SLC12A8: variants seen among roughly 807,000 people sequenced by gnomAD.
SLC12A8 encodes the protein cation-chloride cotransporter 9.
SLC12A8 carries 69 observed loss-of-function variants against 75.6 expected under a neutral mutation model. That is an observed-to-expected ratio of 0.91 (90% CI 0.75 to 1.11). SLC12A8 has a LOEUF of 1.11. SLC12A8 is among the 50% of genes most tolerant of loss of function. The probability of loss-of-function intolerance (pLI) is 0.00; values close to 1 mark genes in which losing one functional copy is unlikely to be tolerated. For synonymous variants in SLC12A8, 365 were observed against 372.8 expected (o/e 0.98, Z 0.24); for missense variants, 877 against 896.7 (o/e 0.98, Z 0.28).
intron 2 of SLC12A8, 136 bp from the exon 3 acceptor site, chr3:125,190,657 G>T: frequency 1.0e-6 from 1 of 965,200 alleles, no homozygotes; most frequent in Non-Finnish European, 1.6e-6. Flanking sequence ...GGGCAAGTGT[G>T]TGTGTATACA....
chr3:125,185,255 G>A (rs1326225153), intron 4 of SLC12A8, among the ~76,000 whole-genome samples: 2 of 152,030 alleles, frequency 1.3e-5, no homozygotes, highest in African/African-American at 4.8e-5. Flanking sequence ...AGGAGGTGGA[G>A]ATTGTGGTGA....
chr3:125,138,845 A>AACACACACACACAC (rs3061221), intron 5 of SLC12A8, among the ~76,000 whole-genome samples: 12 of 137,840 alleles, frequency 8.7e-5, no homozygotes, highest in African/African-American at 3.1e-4. Context: ...CCTTCTACAA[A>AACACACACACACAC]ACACACACAC....
At position 125,084,021 on chromosome 3, in the gene SLC12A8, A is replaced by G. The variant is rs767132548; in HGVS notation, c.2014T>C (p.Leu672=). 3.1e-6 allele frequency: 5 copies of G among 1,613,050 alleles called. No individual in the cohort carries two copies. The highest frequency in any genetic ancestry group is 4.2e-6 in the Non-Finnish European group (5 of 1,179,612). Residue 672 remains leucine (L), a synonymous_variant, in exon 14 of 14, where the codon TTG becomes CTG. Transcript: ENST00000469902. ...SLRSPQEQII[L]APSLAKVDME... is the part of the protein sequence containing the mutation. ...TCAACCTTAGCCAGGGACGGCGCCA[A>G]GATGATCTGCTCCTGAGGGGACCGC... is the stretch of plus-strand genomic sequence containing the variant.
chr3:125,210,885 A>T (rs1935324512), intron 2 of SLC12A8, among the ~76,000 whole-genome samples: 1 of 152,252 alleles, frequency 6.6e-6, no homozygotes. Context: ...AGAAAAAAAA[A>T]TAGCAAACAC....
intron 8 of SLC12A8, 83 bp from the exon 9 acceptor site, chr3:125,110,418 C>T: frequency 1.4e-6 from 2 of 1,385,698 alleles, no homozygotes; most frequent in South Asian, 1.3e-5. Flanking sequence ...CCACCTGCAC[C>T]CCATGCAATC....
chr3:125,192,139 A>G (rs189891003), intron 2 of SLC12A8, among the ~76,000 whole-genome samples: 8 of 152,152 alleles, frequency 5.3e-5, no homozygotes, highest in Admixed American at 5.2e-4. Flanking sequence ...GGCTTGCTAC[A>G]GGCCGACTGT....
intron 5 of SLC12A8, among the ~76,000 whole-genome samples, chr3:125,166,525 A>G (rs1445069942): frequency 6.6e-6 from 1 of 152,216 alleles, no homozygotes; most frequent in Non-Finnish European, 1.5e-5. Flanking sequence ...TGGGTGGCAG[A>G]CAAGGCCTCT....
intron 5 of SLC12A8, among the ~76,000 whole-genome samples, chr3:125,140,742 C>T (rs1647239073): frequency 1.3e-5 from 2 of 151,506 alleles, no homozygotes; most frequent in Non-Finnish European, 2.9e-5. Context: ...CTTAAAGAGG[C>T]AGGGTCTCGC....
At chr3:125,117,812 T>C (rs1939349012) in intron 8 of SLC12A8, among the ~76,000 whole-genome samples, 2 of 152,164 alleles carry the variant, frequency 1.3e-5, no homozygotes, top group South Asian at 4.1e-4. Context: ...GCTTCTAGGA[T>C]GCCAAATAAA....
intron 10 of SLC12A8, among the ~76,000 whole-genome samples, chr3:125,094,628 A>G (rs1938667667): frequency 6.6e-6 from 1 of 152,128 alleles, no homozygotes; most frequent in Non-Finnish European, 1.5e-5. Context: ...AATCATTCCC[A>G]ACAAATACAA....
chr3:125,114,757 T>G (rs1419460359), intron 8 of SLC12A8, among the ~76,000 whole-genome samples: 1 of 152,210 alleles, frequency 6.6e-6, no homozygotes, highest in African/African-American at 2.4e-5. Context: ...TGGGATATTT[T>G]TCCTTCTTAG....
At chr3:125,183,962 C>CTTT (rs1553795454) in intron 4 of SLC12A8, among the ~76,000 whole-genome samples, 2 of 145,262 alleles carry the variant, frequency 1.4e-5, no homozygotes, top group African/African-American at 2.6e-5. Flanking sequence ...TTTTGTTTTA[C>CTTT]TTTTTATTAT....
At chr3:125,163,162 G>C (rs1579515882) in intron 5 of SLC12A8, among the ~76,000 whole-genome samples, 1 of 151,886 alleles carries the variant, frequency 6.6e-6, no homozygotes, top group South Asian at 2.1e-4. Context: ...AAAGATACAG[G>C]TGGTACACAC....
chr3:125,100,664 T>C (rs1938846758), intron 10 of SLC12A8, among the ~76,000 whole-genome samples: 1 of 151,008 alleles, frequency 6.6e-6, no homozygotes, highest in South Asian at 2.1e-4. Flanking sequence ...TGCCTTGGCC[T>C]CCCAAAGTGC....
intron 13 of SLC12A8, among the ~76,000 whole-genome samples, chr3:125,086,792 C>G (rs1938469835): frequency 6.6e-6 from 1 of 152,212 alleles, no homozygotes; most frequent in South Asian, 2.1e-4. Context: ...AAGCAGATGA[C>G]AGGGTGCTCC....
chr3:125,100,732 G>A (rs1438596173), intron 10 of SLC12A8, among the ~76,000 whole-genome samples: 13 of 149,858 alleles, frequency 8.7e-5, no homozygotes. Context: ...AGATGATTTA[G>A]GCCGGGCGCG....
At chr3:125,178,034 G>T in intron 4 of SLC12A8, 60 bp from the exon 5 acceptor site, 1 of 1,390,796 alleles carries the variant, frequency 7.2e-7, no homozygotes, top group Non-Finnish European at 1.0e-6. Context: ...CCCATGGGCA[G>T]AACCGCCCAG....
At chr3:125,084,792 A>G (rs1232483612) in intron 13 of SLC12A8, among the ~76,000 whole-genome samples, 1 of 152,188 alleles carries the variant, frequency 6.6e-6, no homozygotes, top group African/African-American at 2.4e-5. Flanking sequence ...AAGCCTCTTT[A>G]CCTTCTTGTG....
Position 125,120,648 on chromosome 3 carries a change from C to G in SLC12A8, c.775G>C (p.Glu259Gln). 6.2e-7 allele frequency: 1 copy of G among 1,613,688 alleles called. No individual in the cohort carries two copies. The highest frequency in any genetic ancestry group is 8.5e-7 in the Non-Finnish European group (1 of 1,179,918). The change falls in exon 7 of 14, where the codon GAG (glutamate) becomes CAG (glutamine). Residue 259 changes from glutamate (E) to glutamine (Q), a missense_variant. By Grantham distance (29) the Glu-to-Gln change is conservative. Transcript: ENST00000469902. ...CCCAGGGGAATGCTGGCGGCAGGCT[C>G]CCTGAGGTCGCCCCCCATGTTGAAG... ...AGFNMGGDLREPAASIPLGSL... is the reference protein window; with the variant it reads ...AGFNMGGDLRQPAASIPLGSL...
Sources: allele counts gnomAD v4.1 joint callset (sites outside exome capture counted in the v4.1 genomes callset), GRCh38; gene constraint gnomAD v4.1.1; transcripts MANE v1.5; gene names NCBI Gene and HGNC (gene_info 2026-07-23, HGNC 2026-07-21).